Variants in PITRM1 observed in about 807,000 individuals in gnomAD.
The protein encoded by PITRM1 is pitrilysin metallopeptidase 1, also known as presequence protease, mitochondrial.
In PITRM1, 100 loss-of-function variants were observed where a neutral mutation model predicts 129.9. The ratio of observed to expected loss-of-function variants is 0.77; its 90% CI spans 0.65 to 0.91. The LOEUF (loss-of-function observed/expected upper bound fraction) is 0.91, where lower values mean the gene tolerates loss of function less well. Among genes scored for constraint, PITRM1 ranks in the 40% least tolerant of loss-of-function variants. The pLI, the probability that PITRM1 is intolerant of heterozygous loss-of-function variation, is 0.00. For synonymous variants in PITRM1, 591 were observed against 508.8 expected, an observed-to-expected ratio of 1.16 and a Z score of -2.17; for missense variants, 1,471 against 1,318.3, an observed-to-expected ratio of 1.12 and a Z score of -1.79.
rs915320188 is a variant in PITRM1, at chr10:3,147,608, T to A, written c.2199A>T (p.Ala733=). 1.2e-6 allele frequency: 2 copies of A among 1,614,072 alleles called. No homozygotes were observed. The highest frequency in any genetic ancestry group is 8.5e-7 in the Non-Finnish European group (1 of 1,179,904). ...CGCTGAAGGTCTCCTGCAGGTCCCCTGCGGGCGTGAGGGTCCGGCCTGCCC... is the reference window on the plus strand; with the variant it reads ...CGCTGAAGGTCTCCTGCAGGTCCCCAGCGGGCGTGAGGGTCCGGCCTGCCC... The part of the protein sequence containing the change: ...SIRAGRTLTP[A]GDLQETFSGM... The change falls in exon 19 of 27, where the codon GCA becomes GCT. Residue 733 remains alanine, a synonymous_variant. Coordinates refer to ENST00000224949, the MANE Select transcript of PITRM1 (RefSeq NM_014889.4).
intron 4 of PITRM1, 103 bp downstream of exon 4, chr10:3,166,126 A>T: frequency 1.0e-6 from 1 of 968,332 alleles, no homozygotes; most frequent in South Asian, 2.2e-5. Context: ...TTTCTAGAAC[A>T]TGAATTGCCC....
At chr10:3,156,786 T>G (rs1399203856) in intron 13 of PITRM1, 144 bp downstream of exon 13, 1 of 557,006 alleles carries the variant, frequency 1.8e-6, no homozygotes, top group East Asian at 3.2e-5. Context: ...ATTAAGTTAA[T>G]GTAAGCATTT....
intron 2 of PITRM1, 81 bp downstream of exon 2, chr10:3,170,023 C>G (rs1843203564): frequency 9.5e-7 from 1 of 1,054,712 alleles, no homozygotes. Flanking sequence ...AGTCTCCGCC[C>G]TGAAGGGCTC....
intron 7 of PITRM1, chr10:3,163,199 T>G (rs1019484460): frequency 2.0e-5 from 3 of 152,250 alleles, no homozygotes; most frequent in African/African-American, 7.2e-5. Context: ...TGTTTTTACA[T>G]TAGCATTCAT....
In PITRM1 at chr10:3,149,918, G is replaced by C. The variant is rs191773966; in HGVS notation, c.1739-165C>G. On this transcript the variant is annotated intron_variant, in intron 15 of 26. Transcript: ENST00000224949. ...ATCATATTTTCATGACTAAAAACTG[G>C]AACTGTCTTCAATAGTAAAGCAACC... 5.3e-5 allele frequency among the ~76,000 whole-genome samples: 8 copies of C among 152,126 alleles called. No individual in the cohort carries two copies. In the East Asian group the frequency reaches 1.4e-3, roughly 26 times the overall value.
At chr10:3,164,632 C>T (rs537169274) in intron 6 of PITRM1, among the ~76,000 whole-genome samples, 19 of 152,252 alleles carry the variant, frequency 1.2e-4, no homozygotes, top group East Asian at 3.9e-4. Context: ...ATTATGTGGG[C>T]GTTTTTGCCT....
At chr10:3,138,190 G>A (rs373836332) in intron 26 of PITRM1, 45 bp downstream of exon 26, 45 of 1,577,578 alleles carry the variant, frequency 2.9e-5, no homozygotes, top group African/African-American at 5.4e-5. Context: ...GAGTCAGCAC[G>A]AGGGCTTCCA....
chr10:3,143,843 T>C (rs146650155), intron 22 of PITRM1: 18 of 564,526 alleles, frequency 3.2e-5, no homozygotes, highest in East Asian at 8.6e-5. Context: ...TTTCATATCA[T>C]ATTATATCAT....
chr10:3,150,402 C>CCA lies in PITRM1; in HGVS notation c.1739-651_1739-650dup, dbSNP rs111644662. ...AGCCTCGAGTTCCACTCACATGCGC[C>CCA]CACACACACACACACATGAAAATAA... is the stretch of plus-strand genomic sequence containing the variant. On this transcript the variant is annotated intron_variant, in intron 15 of 26. Coordinates refer to ENST00000224949, the MANE Select transcript of PITRM1 (RefSeq NM_014889.4). Among the ~76,000 whole-genome samples, 378 of 151,682 alleles carry CCA rather than the reference C, an allele frequency of 2.5e-3. 3 individuals carry two copies. Among genetic ancestry groups the CCA allele is most frequent in the African/African-American group, 3.8e-3 (158 of 41,420 alleles).
chr10:3,142,103 T>G (rs1840289523), intron 23 of PITRM1, among the ~76,000 whole-genome samples: 1 of 152,234 alleles, frequency 6.6e-6, no homozygotes, highest in Non-Finnish European at 1.5e-5. Flanking sequence ...CCTCCACATT[T>G]TTAGTGTTTT....
chr10:3,172,800 G>T, upstream of PITRM1: 1 of 1,471,436 alleles, frequency 6.8e-7, no homozygotes, highest in African/African-American at 1.8e-5. Context: ...TGGCTGGCGA[G>T]GAACCCCCTC....
At position 3,171,147 on chromosome 10, in the gene PITRM1, TAAAAAAAAAAAAAAAAA is replaced by T. The variant is rs1169315061; in HGVS notation, c.57-958_57-942del. ...ATAAAGTGCGGACTAATCGTTCAAT[TAAAAAAAAAAAAAAAAA>T]AAAAAAAAAAAAAAAAAAAACCTTA... On this transcript the variant is annotated intron_variant, in intron 1 of 26. Coordinates refer to ENST00000224949, the MANE Select transcript of PITRM1 (RefSeq NM_014889.4). Among the ~76,000 whole-genome samples, 25 of 49,202 alleles carry T rather than the reference TAAAAAAAAAAAAAAAAA, an allele frequency of 5.1e-4. 1 individual carries two copies. In the South Asian group the frequency reaches 5.1e-3, roughly 10 times the overall value. 32.3% of individuals were successfully genotyped at this position (49,202 alleles called of 152,430 possible).
chr10:3,153,783 G>GT (rs1841729817), intron 14 of PITRM1, among the ~76,000 whole-genome samples: 1 of 152,036 alleles, frequency 6.6e-6, no homozygotes, highest in South Asian at 2.1e-4. Flanking sequence ...TCCACCTAAC[G>GT]TCCACTCTTA....
intron 14 of PITRM1, among the ~76,000 whole-genome samples, chr10:3,153,926 A>G (rs1246930274): frequency 2.0e-5 from 3 of 152,230 alleles, no homozygotes; most frequent in Non-Finnish European, 4.4e-5. Context: ...AAGCAATAAT[A>G]TTCACAATTT....
At chr10:3,167,369 T>C (rs1349490197) in intron 2 of PITRM1, among the ~76,000 whole-genome samples, 1 of 152,188 alleles carries the variant, frequency 6.6e-6, no homozygotes, top group African/African-American at 2.4e-5. Context: ...AAATTTTTTA[T>C]TCTTTTTTTG....
rs3758631 is a variant in PITRM1 at position 3,145,732 on chromosome 10, T to C, written c.2337-16A>G. 0.7 allele frequency: 1,074,211 copies of C among 1,528,302 alleles called. 378,784 individuals carry two copies. Among genetic ancestry groups the C allele is most frequent in the East Asian group, 0.75 (30,844 of 40,984 alleles). 94.7% of individuals were successfully genotyped at this position (1,528,302 alleles called of 1,614,324 possible). On this transcript the variant is annotated splice_polypyrimidine_tract_variant and intron_variant, in intron 20 of 26. Transcript: ENST00000224949. Reference sequence around the variant, plus strand: ...CACTGAACACCTGTTTGAAAAATTATGTATACATAAAACCACTGTTAGAAA... The same window carrying C: ...CACTGAACACCTGTTTGAAAAATTACGTATACATAAAACCACTGTTAGAAA...
At position 3,148,236 on chromosome 10, in the gene PITRM1, T is replaced by G. The variant is rs758503210; in HGVS notation, c.1927A>C (p.Thr643Pro). Residue 643 changes from threonine to proline, a missense_variant, in exon 17 of 27, where the codon ACC becomes CCC. Coordinates refer to ENST00000224949, the MANE Select transcript of PITRM1 (RefSeq NM_014889.4). Reference protein sequence around the residue: ...REQAQQIELKTGGMSASPHVL... With the variant: ...REQAQQIELKPGGMSASPHVL... ...TGGGGAGAAGCACTCATCCCTCCGG[T>G]CTTCAATTCTATCTGCTGAGCCTGC... 4 of 1,613,948 alleles carry G rather than the reference T, an allele frequency of 2.5e-6. No homozygotes were observed. The South Asian group carries it at 4.4e-5, about 18-fold the overall frequency.
In PITRM1 at chr10:3,143,401, G is replaced by C; in HGVS notation, c.2633C>G (p.Pro878Arg). 1 of 1,606,182 alleles carries C rather than the reference G, an allele frequency of 6.2e-7. No homozygotes were observed. The highest frequency in any genetic ancestry group is 8.5e-7 in the Non-Finnish European group (1 of 1,172,794). ...ECIRTVPYTD[P>R]DHASLKILAR... ...TACACCCTCCTACCTGGCATGATCT[G>C]GGTCCGTGTAGGGGACAGTTCGGAT... The change falls in exon 23 of 27, where the codon CCA becomes CGA. Residue 878 changes from proline to arginine, a missense_variant. By Grantham distance (103) the Pro-to-Arg change is moderately radical (BLOSUM62 -2). Coordinates refer to ENST00000224949, the MANE Select transcript of PITRM1 (RefSeq NM_014889.4).
At position 3,149,768 on chromosome 10, in the gene PITRM1, G is replaced by C. The variant is rs762710830; in HGVS notation, c.1739-15C>G. 3 of 1,613,044 alleles carry C rather than the reference G, an allele frequency of 1.9e-6. No individual in the cohort carries two copies. The highest frequency in any genetic ancestry group is 2.7e-5 in the African/African-American group (2 of 74,896). ...GATATCTCCAGCTAGAAAAACAAAA[G>C]GGATTTAATTTTTATTGCTGCCAGT... On this transcript the variant is annotated splice_polypyrimidine_tract_variant and intron_variant, in intron 15 of 26. Coordinates refer to ENST00000224949, the MANE Select transcript of PITRM1 (RefSeq NM_014889.4).
Sources: allele counts gnomAD v4.1 joint callset (sites outside exome capture counted in the v4.1 genomes callset), GRCh38; gene constraint gnomAD v4.1.1; transcripts MANE v1.5; gene names NCBI Gene and HGNC (gene_info 2026-07-23, HGNC 2026-07-21).